CDH17: variants seen among roughly 807,000 people sequenced by gnomAD.
CDH17 encodes the protein cadherin-17.
A neutral mutation model predicts 86.3 loss-of-function variants in CDH17; 67 were observed. The ratio of observed to expected loss-of-function variants is 0.78; its 90% CI spans 0.64 to 0.95. CDH17 has a LOEUF of 0.95. CDH17 is among the 40% of genes least tolerant of loss of function. The pLI is 0.00. For missense variants in CDH17, 993 were observed against 1,017.6 expected, an observed-to-expected ratio of 0.98 and a Z score of 0.33; for synonymous variants, 367 against 366.4, an observed-to-expected ratio of 1.00 and a Z score of -0.02.
upstream of CDH17, among the ~76,000 whole-genome samples, chr8:94,210,226 T>TTAAAAAA (rs1554591888): frequency 5.6e-5 from 3 of 53,434 alleles, no homozygotes; most frequent in African/African-American, 2.1e-4. Flanking sequence ...TTTATGCGAG[T>TTAAAAAA]AAAAAAAAAA....
intron 1 of CDH17, among the ~76,000 whole-genome samples, chr8:94,195,717 G>A (rs1813772291): frequency 1.3e-5 from 2 of 151,614 alleles, no homozygotes; most frequent in Admixed American, 1.3e-4. Flanking sequence ...GTTGTTACCT[G>A]TCATAAGTTT....
At chr8:94,203,186 G>GA (rs1813955684) in intron 1 of CDH17, 1 of 153,240 alleles carries the variant, frequency 6.5e-6, no homozygotes, top group South Asian at 2.0e-4. Flanking sequence ...TGTCCCCCGT[G>GA]AAAAAAGCTA....
intron 2 of CDH17, among the ~76,000 whole-genome samples, chr8:94,189,893 T>A (rs978708491): frequency 2.0e-5 from 3 of 152,230 alleles, no homozygotes; most frequent in African/African-American, 4.8e-5. Context: ...TTTGATTAGC[T>A]CTTTACATTC....
At chr8:94,144,613 A>C (rs1358032503) in intron 15 of CDH17, among the ~76,000 whole-genome samples, 6 of 152,196 alleles carry the variant, frequency 3.9e-5, no homozygotes, top group Non-Finnish European at 8.8e-5. Flanking sequence ...TAGGGACCCT[A>C]AGTTTGGCAA....
chr8:94,189,068 C>A (rs1813635177), intron 3 of CDH17, 119 bp downstream of exon 3: 2 of 733,922 alleles, frequency 2.7e-6, no homozygotes, highest in South Asian at 1.6e-5. Context: ...TGAAATCATT[C>A]TTGATAATGA....
chr8:94,190,621 A>G (rs372501799), intron 2 of CDH17, among the ~76,000 whole-genome samples: 30 of 152,356 alleles, frequency 2.0e-4, no homozygotes, highest in East Asian at 1.4e-3. Context: ...TGGCAAGCCA[A>G]TGGTTTTTGG....
chr8:94,179,211 C>T (rs1436591998), intron 3 of CDH17, among the ~76,000 whole-genome samples: 1 of 152,138 alleles, frequency 6.6e-6, no homozygotes, highest in Non-Finnish European at 1.5e-5. Flanking sequence ...CACCAGAGAA[C>T]TATCATTATC....
Position 94,149,305 on chromosome 8 carries a change from C to T in CDH17, c.1797-431G>A, listed in dbSNP as rs557761641. 1.4e-4 allele frequency among the ~76,000 whole-genome samples: 21 copies of T among 152,140 alleles called. 1 individual carries two copies. In the South Asian group the frequency reaches 2.7e-3, roughly 20 times the overall value. ...AACACCCAGTGGTGGAAACGTTGGG[C>T]GAGATGGGTGGATACTCATAGACCC... is the stretch of plus-strand genomic sequence containing the variant. On this transcript the variant is annotated intron_variant, in intron 13 of 17. Coordinates refer to ENST00000027335, the MANE Select transcript of CDH17 (RefSeq NM_004063.4).
chr8:94,199,220 GGGTAAATTC>G, intron 1 of CDH17, among the ~76,000 whole-genome samples: 1 of 151,346 alleles, frequency 6.6e-6, no homozygotes, highest in Admixed American at 6.6e-5. Flanking sequence ...ATCAGATGTT[GGGTAAATTC>G]TAAAACATTT....
At chr8:94,193,265 T>C (rs1813720843) in intron 2 of CDH17, among the ~76,000 whole-genome samples, 1 of 152,226 alleles carries the variant, frequency 6.6e-6, no homozygotes, top group South Asian at 2.1e-4. Context: ...ATATTATTAT[T>C]AAATAATTTA....
chr8:94,136,040 C>G (rs201296306), intron 15 of CDH17, among the ~76,000 whole-genome samples: 4 of 152,190 alleles, frequency 2.6e-5, no homozygotes, highest in Admixed American at 2.6e-4. Context: ...GTCTGATGGG[C>G]TTCCCTTTGT....
chr8:94,205,444 C>T (rs546302016), intron 1 of CDH17, among the ~76,000 whole-genome samples: 4 of 151,538 alleles, frequency 2.6e-5, no homozygotes, highest in Admixed American at 6.6e-5. Flanking sequence ...ACTGAAGGAT[C>T]GAAAGAAAGA....
At chr8:94,167,728 GTCC>G (rs1813183725) in intron 9 of CDH17, among the ~76,000 whole-genome samples, 1 of 152,086 alleles carries the variant, frequency 6.6e-6, no homozygotes, top group Non-Finnish European at 1.5e-5. Context: ...TGAGGACACT[GTCC>G]TCCTCTCACT....
At chr8:94,133,291 C>G (rs1473302477) in intron 15 of CDH17, among the ~76,000 whole-genome samples, 1 of 152,082 alleles carries the variant, frequency 6.6e-6, no homozygotes, top group Admixed American at 6.6e-5. Flanking sequence ...TCTTCCTGTC[C>G]ACGAGCATGG....
At chr8:94,193,290 G>A (rs1414986882) in intron 2 of CDH17, among the ~76,000 whole-genome samples, 1 of 152,240 alleles carries the variant, frequency 6.6e-6, no homozygotes, top group African/African-American at 2.4e-5. Context: ...TGTGCTCAGT[G>A]CTGAATCTGC....
chr8:94,201,077 C>A (rs937973828), intron 1 of CDH17, among the ~76,000 whole-genome samples: 28 of 152,288 alleles, frequency 1.8e-4, no homozygotes, highest in African/African-American at 6.7e-4. Flanking sequence ...CACTACAGAT[C>A]TTTCCAAAAT....
chr8:94,190,289 G>C (rs528819727), intron 2 of CDH17, among the ~76,000 whole-genome samples: 1 of 152,232 alleles, frequency 6.6e-6, no homozygotes, highest in Admixed American at 6.5e-5. Flanking sequence ...CCACCAGAGC[G>C]GGTGAAACAG....
Position 94,194,666 on chromosome 8 carries a change from A to G in CDH17, c.20T>C (p.Leu7Pro). Residue 7 changes from leucine (L) to proline (P), a missense_variant, in exon 2 of 18, where the codon CTT becomes CCT. Coordinates refer to ENST00000027335, the MANE Select transcript of CDH17 (RefSeq NM_004063.4). The stretch of plus-strand genomic sequence containing the variant: ...AAGCATAAGAAGACACAGGGAGTGA[A>G]GATGGGCCTGAAGTATCATAGTTTT... MILQAH[L>P]HSLCLLMLYL... 1 of 1,607,626 alleles carries G rather than the reference A, an allele frequency of 6.2e-7. No homozygotes were observed. Among genetic ancestry groups the G allele is most frequent in the Non-Finnish European group, 8.5e-7 (1 of 1,175,538 alleles).
In CDH17 at chr8:94,179,057, A is replaced by C. The variant is rs77923962; in HGVS notation, c.151-1336T>G. On this transcript the variant is annotated intron_variant, in intron 3 of 17. Transcript: ENST00000027335. ...CAAGGAATGTTTATTAAAAAAAAAA[A>C]AAAAAACTAAGGTTTGTGGTGTTTT... Among the ~76,000 whole-genome samples the C allele has an allele frequency of 2.9e-3, 439 of 151,678 alleles. 10 individuals are homozygous for C. In the East Asian group the frequency reaches 0.073, roughly 25 times the overall value.
Sources: gnomAD v4.1 joint callset for allele counts (sites outside exome capture counted in the v4.1 genomes callset) on GRCh38, gnomAD v4.1.1 for gene constraint, MANE v1.5 for transcripts, NCBI Gene and HGNC (gene_info 2026-07-23, HGNC 2026-07-21) for gene names.